RASSF3: variants seen among roughly 807,000 people sequenced by gnomAD.
RASSF3 encodes Ras association domain family member 3, also known as ras association domain-containing protein 3.
In RASSF3, 19 loss-of-function variants were observed where a neutral mutation model predicts 19.9. The ratio of observed to expected loss-of-function variants is 0.96; its 90% CI spans 0.67 to 1.40. RASSF3 has a LOEUF of 1.40. Ranked by LOEUF, RASSF3 falls within the 40% of genes most tolerant of loss-of-function variation. RASSF3 has a pLI of 0.00. For missense variants in RASSF3, 306 were observed against 289.8 expected (o/e 1.06, Z -0.41); for synonymous variants, 110 against 104.2 (o/e 1.06, Z -0.34).
intron 1 of RASSF3, among the ~76,000 whole-genome samples, chr12:64,683,958 A>G (rs1873230111): frequency 6.7e-6 from 1 of 150,222 alleles, no homozygotes; most frequent in Non-Finnish European, 1.5e-5. Flanking sequence ...GTTTGAAGGT[A>G]AGAGAGAAAG....
chr12:64,647,396 C>T (rs1037957353), intron 1 of RASSF3, among the ~76,000 whole-genome samples: 2 of 150,216 alleles, frequency 1.3e-5, no homozygotes, highest in African/African-American at 2.4e-5. Flanking sequence ...CCACCATGCT[C>T]GGCTAATTTT....
At chr12:64,544,421 A>G (rs1869015802), downstream of RASSF3, among the ~76,000 whole-genome samples, 1 of 152,174 alleles carries the variant, frequency 6.6e-6, no homozygotes, top group African/African-American at 2.4e-5. Context: ...ACTCACCGGG[A>G]GGGTCCGCGG....
At chr12:64,645,573 T>G (rs1224898243) in intron 1 of RASSF3, among the ~76,000 whole-genome samples, 1 of 152,072 alleles carries the variant, frequency 6.6e-6, no homozygotes, top group Non-Finnish European at 1.5e-5. Context: ...GTTTGTGTGC[T>G]TTAGGTGTGT....
intron 2 of RASSF3, among the ~76,000 whole-genome samples, chr12:64,581,789 CTT>C (rs11364944): frequency 2.1e-5 from 3 of 143,806 alleles, no homozygotes; most frequent in Non-Finnish European, 4.5e-5. Flanking sequence ...AGAGATTGAC[CTT>C]TTTTTTTTGT....
In RASSF3 at chr12:64,621,950, T is replaced by G. The variant is rs192582050; in HGVS notation, c.111+11207T>G. On this transcript the variant is annotated intron_variant, in intron 1 of 4. Transcript: ENST00000542104. ...GGTGATGTGTTTTCTACTAACCATGTGTTTTAAAAAAAAGGGTGACTAGAA... is the reference window on the plus strand; with the variant it reads ...GGTGATGTGTTTTCTACTAACCATGGGTTTTAAAAAAAAGGGTGACTAGAA... 8.0e-5 allele frequency among the ~76,000 whole-genome samples: 12 copies of G among 150,812 alleles called. No homozygotes were observed. The East Asian group carries it at 2.3e-3, about 29-fold the overall frequency.
intron 1 of RASSF3, among the ~76,000 whole-genome samples, chr12:64,673,397 T>G (rs575148385): frequency 9.0e-4 from 137 of 152,344 alleles, no homozygotes; most frequent in African/African-American, 3.3e-3. Context: ...GAACTTACTT[T>G]GTATTTATTG....
At chr12:64,691,859 T>G (rs974458266) in intron 4 of RASSF3, among the ~76,000 whole-genome samples, 3 of 152,262 alleles carry the variant, frequency 2.0e-5, no homozygotes, top group South Asian at 2.1e-4. Flanking sequence ...TTTTACTTGA[T>G]CTCCATCCAG....
chr12:64,645,001 C>T (rs528592285), intron 1 of RASSF3, among the ~76,000 whole-genome samples: 2 of 152,238 alleles, frequency 1.3e-5, no homozygotes, highest in South Asian at 4.2e-4. Context: ...GTTGAGGCTG[C>T]AGTGAGCCAT....
intron 1 of RASSF3, among the ~76,000 whole-genome samples, chr12:64,679,382 T>G (rs1401026747): frequency 6.6e-6 from 1 of 152,254 alleles, no homozygotes; most frequent in Non-Finnish European, 1.5e-5. Context: ...TTAATTGCAC[T>G]ATGTTTATTT....
At chr12:64,601,742 G>T (rs186809851) in intron 2 of RASSF3, among the ~76,000 whole-genome samples, 9 of 152,264 alleles carry the variant, frequency 5.9e-5, no homozygotes, top group African/African-American at 9.6e-5. Flanking sequence ...GACCCTGGGA[G>T]GGGGAGGCTT....
At position 64,524,937 on chromosome 12, in the gene RASSF3, ATT is replaced by A. The variant is rs149238536; in HGVS notation, c.170-16641_170-16640del. Reference sequence around the variant, plus strand: ...CATCAGGTCTTAGAGTTGTGAAAATATTTTCTTTCATTTGCTCATCAAACTTG... The same window carrying A: ...CATCAGGTCTTAGAGTTGTGAAAATATTCTTTCATTTGCTCATCAAACTTG... On this transcript the variant is annotated intron_variant, in intron 1 of 5. Coordinates refer to the RASSF3 transcript ENST00000637125. Among the ~76,000 whole-genome samples the A allele has an allele frequency of 5.8e-3, 879 of 152,172 alleles. 7 individuals are homozygous for A. Among genetic ancestry groups the A allele is most frequent in the African/African-American group, 0.02 (830 of 41,502 alleles).
At chr12:64,625,827 G>A (rs552232955) in intron 1 of RASSF3, among the ~76,000 whole-genome samples, 1 of 152,054 alleles carries the variant, frequency 6.6e-6, no homozygotes, top group South Asian at 2.1e-4. Context: ...TTAGGAAATA[G>A]GCCTGCTTAT....
At chr12:64,518,675 T>C (rs1463479428) in intron 1 of RASSF3, among the ~76,000 whole-genome samples, 1 of 152,234 alleles carries the variant, frequency 6.6e-6, no homozygotes, top group Non-Finnish European at 1.5e-5. Flanking sequence ...ATTGTATACT[T>C]GATTTCCTCC....
At chr12:64,662,398 G>A (rs1872400237) in intron 1 of RASSF3, among the ~76,000 whole-genome samples, 1 of 152,154 alleles carries the variant, frequency 6.6e-6, no homozygotes, top group Admixed American at 6.5e-5. Flanking sequence ...TCCAGCCTGG[G>A]TGACAGATTG....
At chr12:64,640,551 C>A (rs1447650167) in intron 1 of RASSF3, among the ~76,000 whole-genome samples, 1 of 152,188 alleles carries the variant, frequency 6.6e-6, no homozygotes, top group Non-Finnish European at 1.5e-5. Flanking sequence ...TGGAATTATG[C>A]AGTATTTGTC....
chr12:64,550,614 C>T, intron 2 of RASSF3, among the ~76,000 whole-genome samples: 1 of 151,764 alleles, frequency 6.6e-6, no homozygotes, highest in East Asian at 1.9e-4. Context: ...AAGATTGTGG[C>T]ACAGCACTCC....
At chr12:64,561,982 C>T (rs1442164743) in intron 2 of RASSF3, among the ~76,000 whole-genome samples, 2 of 116,614 alleles carry the variant, frequency 1.7e-5, no homozygotes, top group African/African-American at 5.6e-5. Flanking sequence ...TGTGCATGGC[C>T]CATAGTATTT....
rs150096482 is a variant in RASSF3 at position 64,537,658 on chromosome 12, A to G, written c.68-3923A>G. Among the ~76,000 whole-genome samples, 155 of 152,252 alleles carry G rather than the reference A, an allele frequency of 1.0e-3. 1 individual carries two copies. The highest frequency in any genetic ancestry group is 1.9e-3 in the Non-Finnish European group (131 of 68,026). On this transcript the variant is annotated intron_variant, in intron 1 of 1. Coordinates refer to the RASSF3 transcript ENST00000636333. ...TGAAGCTTAAACTGCCCAGAACTCA[A>G]TCTTTACCCAGAACTCAATCAGTGT...
At chr12:64,579,888 C>T (rs945484383) in intron 2 of RASSF3, among the ~76,000 whole-genome samples, 3 of 149,734 alleles carry the variant, frequency 2.0e-5, no homozygotes, top group Non-Finnish European at 4.4e-5. Context: ...AATCTTGGCT[C>T]ACTGCAACCT....
Sources: gnomAD v4.1 joint callset for allele counts (sites outside exome capture counted in the v4.1 genomes callset) on GRCh38, gnomAD v4.1.1 for gene constraint, MANE v1.5 for transcripts, NCBI Gene and HGNC (gene_info 2026-07-23, HGNC 2026-07-21) for gene names.